Variants in PRODH2 observed in about 807,000 individuals in gnomAD.
PRODH2 encodes the protein hydroxyproline dehydrogenase.
PRODH2 carries 49 observed loss-of-function variants against 51.9 expected under a neutral mutation model. That is an observed-to-expected ratio of 0.94 (90% confidence interval 0.75 to 1.20). The LOEUF (loss-of-function observed/expected upper bound fraction) is 1.20, where lower values mean the gene tolerates loss of function less well. Among genes scored for constraint, PRODH2 ranks in the 50% most tolerant of loss-of-function variants. The pLI, the probability that PRODH2 is intolerant of heterozygous loss-of-function variation, is 0.00. For synonymous variants in PRODH2, 249 were observed against 260.7 expected (o/e 0.96, Z 0.43); for missense variants, 597 against 610.9 (o/e 0.98, Z 0.24).
Position 35,800,061 on chromosome 19 carries a change from C to T in PRODH2, c.1360G>A (p.Gly454Arg), listed in dbSNP as rs1164936912. 6.2e-7 allele frequency: 1 copy of T among 1,611,618 alleles called. No individual in the cohort carries two copies. The highest frequency in any genetic ancestry group is 2.2e-5 in the East Asian group (1 of 44,878). Reference sequence around the variant, plus strand: ...TGCTAGTGGGGTATCCTTCGGCATCCTGGCAGCAGCCGCCGCCACAGTTCT... The same window carrying T: ...TGCTAGTGGGGTATCCTTCGGCATCTTGGCAGCAGCCGCCGCCACAGTTCT... ...SQELWRRLLP[G>R]CRRIPH is the part of the protein sequence containing the mutation. Residue 454 changes from glycine (G) to arginine (R), a missense_variant, in exon 10 of 10, where the codon GGA becomes AGA. Gly to Arg is a moderately radical substitution (Grantham distance 125, BLOSUM62 -2). Coordinates refer to ENST00000653904, the MANE Select transcript of PRODH2 (RefSeq NM_021232.2).
Position 35,803,002 on chromosome 19 carries a change from G to A in PRODH2, c.1078C>T (p.His360Tyr). The change falls in exon 8 of 10, where the codon CAC (histidine) becomes TAC (tyrosine). Residue 360 changes from histidine to tyrosine, a missense_variant. By Grantham distance (83) the His-to-Tyr change is moderately conservative. Transcript: ENST00000653904. ...GPMCHLMVAS[H>Y]NEESVRQATK... ...GCCTGGCGAACAGATTCCTCATTGT[G>A]GGAAGCCACCATGAGGTGGCACATG... The A allele has an allele frequency of 6.3e-7, 1 of 1,574,964 alleles. No individual in the cohort carries two copies. Among genetic ancestry groups the A allele is most frequent in the Non-Finnish European group, 8.6e-7 (1 of 1,156,246 alleles).
At chr19:35,800,460 G>A (rs543551693) in intron 9 of PRODH2, among the ~76,000 whole-genome samples, 209 of 152,218 alleles carry the variant, frequency 1.4e-3, no homozygotes, top group African/African-American at 5.0e-3. Flanking sequence ...TGTTGGCCAG[G>A]CTGGTCTCGA....
chr19:35,812,464 T>C lies in PRODH2; in HGVS notation c.267A>G (p.Thr89=), dbSNP rs1047979574. The change falls in exon 2 of 10, where the codon ACA becomes ACG. Residue 89 remains threonine (T), a synonymous_variant. Transcript: ENST00000653904. ...GCACGCAGCCCTTCACCTCCTCTGC[T>C]GTCTCACCAGCCACAAACTGCCCAT... ...SVYGQFVAGE[T]AEEVKGCVQQ... is the part of the protein sequence containing the mutation. The C allele has an allele frequency of 6.2e-6, 10 of 1,614,038 alleles. No individual in the cohort carries two copies. The African/African-American group carries it at 1.2e-4, about 19-fold the overall frequency.
rs1204160862 is a variant in PRODH2, at chr19:35,812,507, A to C, written c.224T>G (p.Phe75Cys). The change falls in exon 2 of 10, where the codon TTT becomes TGT. Residue 75 changes from phenylalanine to cysteine, a missense_variant. Phe to Cys is a radical substitution (Grantham distance 205). Coordinates refer to ENST00000653904, the MANE Select transcript of PRODH2 (RefSeq NM_021232.2). ...RLLGSRLSGA[F>C]LRASVYGQFV... ...CTGCCCATAGACGGATGCTCGGAGA[A>C]ATGCGCCTGAGAGCCGGGAGCCCAG... The C allele has an allele frequency of 1.9e-6, 3 of 1,614,188 alleles. No individual in the cohort carries two copies. The highest frequency in any genetic ancestry group is 1.7e-5 in the Admixed American group (1 of 60,026).
At chr19:35,805,892 G>A (rs777381077) in intron 7 of PRODH2, among the ~76,000 whole-genome samples, 3 of 152,136 alleles carry the variant, frequency 2.0e-5, no homozygotes, top group Non-Finnish European at 4.4e-5. Flanking sequence ...CCATGCCACT[G>A]TCTGCAGTGG....
chr19:35,808,822 T>G (rs1460190919), intron 4 of PRODH2, among the ~76,000 whole-genome samples: 1 of 149,894 alleles, frequency 6.7e-6, no homozygotes, highest in East Asian at 2.0e-4. Flanking sequence ...CTTTTTTTTT[T>G]TTTTTTGAGA....
chr19:35,802,514 T>C, intron 8 of PRODH2: 1 of 581,044 alleles, frequency 1.7e-6, no homozygotes, highest in Non-Finnish European at 3.1e-6. Flanking sequence ...GTCTTGTCCA[T>C]CTGGGACCTA....
chr19:35,802,993 C>A lies in PRODH2; in HGVS notation c.1087G>T (p.Glu363Ter). 6.4e-7 allele frequency: 1 copy of A among 1,569,554 alleles called. No individual in the cohort carries two copies. ...CGCTTGGTTGCCTGGCGAACAGATT[C>A]CTCATTGTGGGAAGCCACCATGAGG... ...CHLMVASHNE[E>*]SVRQATKRMW... is the part of the protein sequence containing the mutation. Residue 363 changes from glutamate (E) to a stop codon, truncating the protein, a stop_gained, in exon 8 of 10, where the codon GAA (glutamate) becomes TAA (stop). Coordinates refer to ENST00000653904, the MANE Select transcript of PRODH2 (RefSeq NM_021232.2). LOFTEE classifies it high-confidence loss of function.
At chr19:35,800,951 A>G (rs543824459) in intron 9 of PRODH2, among the ~76,000 whole-genome samples, 53 of 152,208 alleles carry the variant, frequency 3.5e-4, no homozygotes, top group Non-Finnish European at 7.1e-4. Context: ...GGGCAGTGGC[A>G]CAATCTCAGC....
chr19:35,811,419 A>AGAAG (rs1263388569), intron 4 of PRODH2, among the ~76,000 whole-genome samples: 1 of 115,342 alleles, frequency 8.7e-6, no homozygotes, highest in Non-Finnish European at 1.7e-5. Flanking sequence ...GGGAGGAGAG[A>AGAAG]GAAGGAAGGA....
intron 4 of PRODH2, among the ~76,000 whole-genome samples, chr19:35,808,823 T>C (rs1972556009): frequency 6.7e-6 from 1 of 150,060 alleles, no homozygotes; most frequent in Non-Finnish European, 1.5e-5. Flanking sequence ...TTTTTTTTTT[T>C]TTTTTGAGAT....
At chr19:35,808,691 T>G (rs1331527795) in intron 4 of PRODH2, among the ~76,000 whole-genome samples, 3 of 152,080 alleles carry the variant, frequency 2.0e-5, no homozygotes, top group Non-Finnish European at 1.5e-5. Flanking sequence ...GGAAGTCACT[T>G]GTCAAAAGTC....
At chr19:35,806,355 A>G in intron 7 of PRODH2, 75 bp downstream of exon 7, 1 of 1,557,718 alleles carries the variant, frequency 6.4e-7, no homozygotes, top group South Asian at 1.1e-5. Context: ...AAGCACTGGG[A>G]TTACAGGTAT....
chr19:35,807,731 C>T (rs1412225964), intron 4 of PRODH2, among the ~76,000 whole-genome samples: 1 of 152,132 alleles, frequency 6.6e-6, no homozygotes, highest in African/African-American at 2.4e-5. Context: ...ACATTGGCAA[C>T]TTCTTTTCCT....
At chr19:35,804,766 G>T (rs574888925) in intron 7 of PRODH2, among the ~76,000 whole-genome samples, 1 of 152,268 alleles carries the variant, frequency 6.6e-6, no homozygotes, top group African/African-American at 2.4e-5. Context: ...GGGAGACCCC[G>T]TGTCTACAAA....
At chr19:35,811,854 T>C in intron 4 of PRODH2, 108 bp downstream of exon 4, 13 of 1,089,686 alleles carry the variant, frequency 1.2e-5, no homozygotes. Flanking sequence ...TTCTGCTGGC[T>C]GTTCCAAGCC....
rs937978463 is a variant in PRODH2 at position 35,802,282 on chromosome 19, G to C, written c.1113-6C>G. The C allele has an allele frequency of 6.2e-7, 1 of 1,613,944 alleles. No homozygotes were observed. The highest frequency in any genetic ancestry group is 1.7e-5 in the Admixed American group (1 of 59,996). ...GAATGCCCAGCTCCCACATGCTACA[G>C]AAAAGGCCACATCATCAGTCCAGAC... is the stretch of plus-strand genomic sequence containing the variant. On this transcript the variant is annotated splice_polypyrimidine_tract_variant and splice_region_variant and intron_variant, in intron 8 of 9. Transcript: ENST00000653904.
At chr19:35,809,949 ATG>A (rs1972575667) in intron 4 of PRODH2, among the ~76,000 whole-genome samples, 2 of 81,100 alleles carry the variant, frequency 2.5e-5, no homozygotes, top group African/African-American at 5.0e-5. Flanking sequence ...ACAGAGCCAG[ATG>A]CCGCTTCAAA....
chr19:35,807,749 A>G (rs1364367726), intron 4 of PRODH2, among the ~76,000 whole-genome samples: 2 of 151,594 alleles, frequency 1.3e-5, no homozygotes, highest in East Asian at 1.9e-4. Context: ...CCTCTTCCTC[A>G]GCCTTATTTT....
Sources: allele counts gnomAD v4.1 joint callset (sites outside exome capture counted in the v4.1 genomes callset), GRCh38; gene constraint gnomAD v4.1.1; transcripts MANE v1.5; gene names NCBI Gene and HGNC (gene_info 2026-07-23, HGNC 2026-07-21).